ZMIZ1: variants seen among roughly 807,000 people sequenced by gnomAD.
The protein encoded by ZMIZ1 is zinc finger MIZ-type containing 1, also known as zinc finger MIZ domain-containing protein 1.
In ZMIZ1, 17 loss-of-function variants were observed where a neutral mutation model predicts 113.9. The observed-to-expected ratio is 0.15, with a 90% CI of 0.10 to 0.22. ZMIZ1 has a LOEUF of 0.22. Among genes scored for constraint, ZMIZ1 ranks in the 10% least tolerant of loss-of-function variants. ZMIZ1 has a pLI of 1.00. For missense variants in ZMIZ1, 1,059 were observed against 1,477.8 expected (o/e 0.72, Z 4.65); for synonymous variants, 607 against 603.1 (o/e 1.01, Z -0.09).
At chr10:79,140,404 A>C (rs1048900752) in intron 3 of ZMIZ1, among the ~76,000 whole-genome samples, 1 of 152,222 alleles carries the variant, frequency 6.6e-6, no homozygotes, top group Non-Finnish European at 1.5e-5. Context: ...TGGCCACGCC[A>C]CAGCAGCTTG....
intron 8 of ZMIZ1, among the ~76,000 whole-genome samples, chr10:79,287,812 T>A (rs568487213): frequency 7.2e-5 from 11 of 152,276 alleles, no homozygotes; most frequent in African/African-American, 2.4e-4. Flanking sequence ...ATGAGGAGAT[T>A]GAGTGAGGAA....
intron 1 of ZMIZ1, among the ~76,000 whole-genome samples, chr10:79,091,428 C>T (rs183226100): frequency 3.2e-4 from 48 of 152,214 alleles, no homozygotes; most frequent in African/African-American, 1.1e-3. Flanking sequence ...CAAGAGTCCT[C>T]AGACCCTGAC....
chr10:79,293,858 G>C, intron 12 of ZMIZ1: 1 of 742,486 alleles, frequency 1.3e-6, no homozygotes, highest in Non-Finnish European at 2.2e-6. Flanking sequence ...CAGTCACCCT[G>C]CCTCCTAGGG....
intron 4 of ZMIZ1, among the ~76,000 whole-genome samples, chr10:79,192,842 G>A (rs1349955064): frequency 6.6e-6 from 1 of 152,182 alleles, no homozygotes; most frequent in East Asian, 1.9e-4. Context: ...AATGACTCAC[G>A]CTGGCCCGAG....
At chr10:79,148,332 C>A (rs1046222329) in intron 3 of ZMIZ1, among the ~76,000 whole-genome samples, 2 of 152,180 alleles carry the variant, frequency 1.3e-5, no homozygotes, top group African/African-American at 4.8e-5. Context: ...GCATGGCTGA[C>A]CCCACAGGCT....
chr10:79,266,614 C>G (rs919025100), intron 7 of ZMIZ1, among the ~76,000 whole-genome samples: 5 of 152,140 alleles, frequency 3.3e-5, no homozygotes, highest in Admixed American at 1.3e-4. Context: ...ACTGATGGTG[C>G]GGTGGTCTCG....
At chr10:79,221,794 GCCCAGGGCCCAGAGAGGGGAGGACCCAC>G (rs746376788) in intron 7 of ZMIZ1, among the ~76,000 whole-genome samples, 19 of 152,252 alleles carry the variant, frequency 1.2e-4, no homozygotes, top group Non-Finnish European at 2.1e-4. Flanking sequence ...GAATGCTGGA[GCCCAGGGCCCAGAGAGGGGAGGACCCAC>G]CCCAAGTCCT....
intron 1 of ZMIZ1, among the ~76,000 whole-genome samples, chr10:79,101,245 C>A (rs1843354370): frequency 6.6e-6 from 1 of 152,146 alleles, no homozygotes; most frequent in Non-Finnish European, 1.5e-5. Context: ...GTTCTCAGCA[C>A]AGGCAAAGGG....
intron 6 of ZMIZ1, among the ~76,000 whole-genome samples, chr10:79,209,665 C>T (rs944978525): frequency 9.9e-5 from 15 of 152,244 alleles, no homozygotes; most frequent in Non-Finnish European, 1.9e-4. Context: ...AGCGGCAACA[C>T]GGCTATCGTG....
At chr10:79,160,866 GT>G (rs1241302273) in intron 3 of ZMIZ1, among the ~76,000 whole-genome samples, 1 of 152,252 alleles carries the variant, frequency 6.6e-6, no homozygotes, top group Non-Finnish European at 1.5e-5. Flanking sequence ...AGGTTTCCTG[GT>G]TTTTAGAGGT....
rs891436746 is a variant in ZMIZ1 at position 79,314,032 on chromosome 10, C to T, written c.*1283C>T. 8.8e-6 allele frequency: 4 copies of T among 456,568 alleles called. No individual in the cohort carries two copies. Among genetic ancestry groups the T allele is most frequent in the Non-Finnish European group, 1.3e-5 (3 of 226,956 alleles). The allele number at this position is 456,568 out of a possible 1,614,324, so 28.3% of individuals were successfully genotyped here. A position where few individuals can be genotyped will look rare whatever the true frequency, so the allele number is the denominator to read the frequency against. Reference sequence around the variant, plus strand: ...GGGGGGAGGGGGGCGTGTTTCTGGGCCTGCCCCAGACACTGCCCTTGGCTG... The same window carrying T: ...GGGGGGAGGGGGGCGTGTTTCTGGGTCTGCCCCAGACACTGCCCTTGGCTG... On this transcript the variant is annotated 3_prime_UTR_variant, in exon 25 of 25. Coordinates refer to ENST00000334512, the MANE Select transcript of ZMIZ1 (RefSeq NM_020338.4).
chr10:79,202,367 G>A (rs1848137103), intron 5 of ZMIZ1, among the ~76,000 whole-genome samples: 1 of 151,966 alleles, frequency 6.6e-6, no homozygotes, highest in Admixed American at 6.6e-5. Context: ...GCTTTGGGAG[G>A]CTAAGGGAGG....
chr10:79,291,388 C>G (rs759294328), intron 10 of ZMIZ1, among the ~76,000 whole-genome samples: 13 of 152,230 alleles, frequency 8.5e-5, no homozygotes, highest in Non-Finnish European at 1.9e-4. Flanking sequence ...TTCTGACAGT[C>G]GTCAGACTCG....
At chr10:79,117,020 T>C (rs932068442) in intron 1 of ZMIZ1, among the ~76,000 whole-genome samples, 3 of 152,260 alleles carry the variant, frequency 2.0e-5, no homozygotes, top group African/African-American at 7.2e-5. Context: ...CGTTTGAGTG[T>C]CTGCTGGACT....
intron 6 of ZMIZ1, among the ~76,000 whole-genome samples, chr10:79,211,310 C>G (rs188573239): frequency 9.6e-4 from 146 of 152,282 alleles, no homozygotes; most frequent in Non-Finnish European, 1.6e-3. Context: ...CCTCTGGGCC[C>G]TGTTGCCGGT....
chr10:79,219,239 C>T (rs891820632), intron 7 of ZMIZ1, among the ~76,000 whole-genome samples: 2 of 152,188 alleles, frequency 1.3e-5, no homozygotes, highest in African/African-American at 2.4e-5. Flanking sequence ...AGTGCCTCCC[C>T]AGAGGAGCAG....
chr10:79,265,998 G>C (rs1410386806), intron 7 of ZMIZ1, among the ~76,000 whole-genome samples: 2 of 152,210 alleles, frequency 1.3e-5, no homozygotes, highest in Non-Finnish European at 2.9e-5. Flanking sequence ...CAGACAGACA[G>C]CTCACCCCAT....
At chr10:79,227,244 GTGTTT>G (rs1171992612) in intron 7 of ZMIZ1, among the ~76,000 whole-genome samples, 2 of 152,210 alleles carry the variant, frequency 1.3e-5, no homozygotes, top group African/African-American at 4.8e-5. Context: ...GAGGCCTTAA[GTGTTT>G]GACAATGATT....
chr10:79,119,354 T>C (rs2132325626), intron 2 of ZMIZ1, among the ~76,000 whole-genome samples: 1 of 152,320 alleles, frequency 6.6e-6, no homozygotes, highest in Non-Finnish European at 1.5e-5. Context: ...TGATATCCTC[T>C]AACCCGACAA....
Sources: allele counts gnomAD v4.1 joint callset (sites outside exome capture counted in the v4.1 genomes callset), GRCh38; gene constraint gnomAD v4.1.1; transcripts MANE v1.5; gene names NCBI Gene and HGNC (gene_info 2026-07-23, HGNC 2026-07-21).